MRPL1: variants seen among roughly 807,000 people sequenced by gnomAD.
MRPL1 encodes the protein large ribosomal subunit protein uL1m.
In MRPL1, 28 loss-of-function variants were observed where a neutral mutation model predicts 38.0. The ratio of observed to expected loss-of-function variants is 0.74; its 90% CI spans 0.55 to 1.01. The LOEUF (loss-of-function observed/expected upper bound fraction) is 1.01. Ranked by LOEUF, MRPL1 falls within the 50% of genes least tolerant of loss-of-function variation. The pLI, the probability that MRPL1 is intolerant of heterozygous loss-of-function variation, is 0.00. For missense variants in MRPL1, 358 were observed against 389.8 expected (o/e 0.92, Z 0.69); for synonymous variants, 123 against 126.7 (o/e 0.97, Z 0.20).
Position 77,949,820 on chromosome 4 carries a change from A to G in MRPL1, c.801A>G (p.Ile267Met). 6.2e-7 allele frequency: 1 copy of G among 1,610,430 alleles called. No individual in the cohort carries two copies. Among genetic ancestry groups the G allele is most frequent in the East Asian group, 2.2e-5 (1 of 44,708 alleles). ...AGTTGGATATGTCAAGTGACCAGAT[A>G]GCTGCCAATCTGCAAGCAGTTATTA... ...IATLDMSSDQ[I>M]AANLQAVINE... Residue 267 changes from isoleucine to methionine, a missense_variant, in exon 8 of 9, where the codon ATA becomes ATG. Transcript: ENST00000315567.
intron 7 of MRPL1, among the ~76,000 whole-genome samples, chr4:77,919,769 C>T (rs572946210): frequency 5.4e-4 from 81 of 151,300 alleles, no homozygotes; most frequent in African/African-American, 1.7e-3. Flanking sequence ...ACTCTCATGA[C>T]CTATTATATA....
At chr4:77,897,178 C>T (rs1367479543) in intron 6 of MRPL1, among the ~76,000 whole-genome samples, 1 of 152,002 alleles carries the variant, frequency 6.6e-6, no homozygotes, top group Non-Finnish European at 1.5e-5. Flanking sequence ...GTGAATCTGC[C>T]TCAGCCTCCC....
At chr4:77,900,970 CA>C (rs1386623290) in intron 6 of MRPL1, among the ~76,000 whole-genome samples, 1 of 149,452 alleles carries the variant, frequency 6.7e-6, no homozygotes, top group African/African-American at 2.5e-5. Context: ...TTAGAATTAA[CA>C]GGAGTTATTG....
intron 2 of MRPL1, among the ~76,000 whole-genome samples, chr4:77,880,766 A>T (rs1023049966): frequency 6.6e-6 from 1 of 152,176 alleles, no homozygotes; most frequent in Non-Finnish European, 1.5e-5. Flanking sequence ...ATATTTTGTA[A>T]GCACCTTGTT....
intron 7 of MRPL1, among the ~76,000 whole-genome samples, chr4:77,932,715 G>A (rs1736876848): frequency 1.3e-5 from 2 of 151,960 alleles, no homozygotes; most frequent in African/African-American, 2.4e-5. Context: ...CTACAGCATG[G>A]TGAGTTATAT....
chr4:77,928,328 G>A (rs1420819254), intron 7 of MRPL1, among the ~76,000 whole-genome samples: 1 of 152,164 alleles, frequency 6.6e-6, no homozygotes, highest in Non-Finnish European at 1.5e-5. Flanking sequence ...GAAATTAAAT[G>A]CTTATTTTGA....
intron 5 of MRPL1, among the ~76,000 whole-genome samples, chr4:77,891,256 T>C (rs1016474387): frequency 6.6e-6 from 1 of 150,814 alleles, no homozygotes; most frequent in African/African-American, 2.4e-5. Flanking sequence ...AGAACTAATC[T>C]TGAGTTTGTA....
At chr4:77,862,965 GGT>G in intron 1 of MRPL1, 86 bp downstream of exon 1, 1 of 1,543,592 alleles carries the variant, frequency 6.5e-7, no homozygotes, top group Non-Finnish European at 8.9e-7. Flanking sequence ...TTCTGCTCTG[GGT>G]GCTGAAAATG....
intron 6 of MRPL1, 24 bp downstream of exon 6, chr4:77,894,274 A>C (rs1363893374): frequency 3.6e-6 from 5 of 1,382,916 alleles, no homozygotes; most frequent in Middle Eastern, 1.9e-4. Flanking sequence ...TATTATTTCA[A>C]TATCCTGTCA....
intron 6 of MRPL1, among the ~76,000 whole-genome samples, chr4:77,900,668 G>A (rs1191262266): frequency 6.6e-6 from 1 of 152,184 alleles, no homozygotes; most frequent in Non-Finnish European, 1.5e-5. Context: ...TAGACAGTGG[G>A]CTAGGTCACA....
chr4:77,944,342 C>T (rs1262256405), intron 7 of MRPL1, among the ~76,000 whole-genome samples: 1 of 152,202 alleles, frequency 6.6e-6, no homozygotes, highest in African/African-American at 2.4e-5. Flanking sequence ...TCTCCTGATC[C>T]ACCTTTGTCT....
chr4:77,914,191 T>C (rs553746448), intron 7 of MRPL1, among the ~76,000 whole-genome samples: 1 of 152,298 alleles, frequency 6.6e-6, no homozygotes, highest in East Asian at 1.9e-4. Context: ...AAGAATATTA[T>C]GCTCAGGGAA....
chr4:77,948,321 T>C (rs1026897970), intron 7 of MRPL1, among the ~76,000 whole-genome samples: 1 of 152,200 alleles, frequency 6.6e-6, no homozygotes, highest in African/African-American at 2.4e-5. Flanking sequence ...CAGGGACACA[T>C]GCTGATGCCT....
At position 77,865,787 on chromosome 4, in the gene MRPL1, T is replaced by A. The variant is rs145329828; in HGVS notation, c.31+2908T>A. Among the ~76,000 whole-genome samples, 674 of 152,320 alleles carry A rather than the reference T, an allele frequency of 4.4e-3. 1 individual carries two copies. The highest frequency in any genetic ancestry group is 6.8e-3 in the Middle Eastern group (2 of 294). On this transcript the variant is annotated intron_variant, in intron 1 of 8. Coordinates refer to ENST00000315567, the MANE Select transcript of MRPL1 (RefSeq NM_020236.4). ...CCACTGCAGCTACCTTGTTCCCACC[T>A]GCTACCATCTCTCACTTGGATTTCT...
chr4:77,939,020 G>A (rs576521226), intron 7 of MRPL1, among the ~76,000 whole-genome samples: 3 of 152,188 alleles, frequency 2.0e-5, no homozygotes, highest in East Asian at 1.9e-4. Context: ...CTCATCACCC[G>A]AGCAGTGTAC....
intron 3 of MRPL1, among the ~76,000 whole-genome samples, chr4:77,884,712 A>C (rs998467472): frequency 3.3e-5 from 5 of 152,238 alleles, no homozygotes; most frequent in African/African-American, 1.2e-4. Context: ...GTTTAGAGCC[A>C]ATGATGGCAA....
chr4:77,900,641 A>G lies in MRPL1; in HGVS notation c.670+6391A>G, dbSNP rs200231745. Among the ~76,000 whole-genome samples the G allele has an allele frequency of 1.8e-4, 27 of 152,328 alleles. No homozygotes were observed. The East Asian group carries it at 3.7e-3, about 21-fold the overall frequency. On this transcript the variant is annotated intron_variant, in intron 6 of 8. Coordinates refer to ENST00000315567, the MANE Select transcript of MRPL1 (RefSeq NM_020236.4). ...AAATGTTATCAGATACTGGTGGTCA[A>G]TGGGATTGGACAGTGATAGACAGTG...
At chr4:77,935,242 C>A in intron 7 of MRPL1, among the ~76,000 whole-genome samples, 1 of 151,910 alleles carries the variant, frequency 6.6e-6, no homozygotes, top group East Asian at 1.9e-4. Context: ...AAAAGATACA[C>A]CCCCCAAAAT....
chr4:77,940,106 G>A (rs1737081637), intron 7 of MRPL1, among the ~76,000 whole-genome samples: 1 of 151,976 alleles, frequency 6.6e-6, no homozygotes, highest in South Asian at 2.1e-4. Flanking sequence ...GATAGGAGTT[G>A]CACTTAATTT....
Sources: gnomAD v4.1 joint callset for allele counts (sites outside exome capture counted in the v4.1 genomes callset) on GRCh38, gnomAD v4.1.1 for gene constraint, MANE v1.5 for transcripts, NCBI Gene and HGNC (gene_info 2026-07-23, HGNC 2026-07-21) for gene names.